Variants in ROBO2 observed in about 807,000 individuals in gnomAD.
ROBO2 encodes the protein roundabout guidance receptor 2.
In ROBO2, 53 loss-of-function variants were observed where a neutral mutation model predicts 160.8. That is an observed-to-expected ratio of 0.33 (90% confidence interval 0.26 to 0.41). The LOEUF is 0.41. Among genes scored for constraint, ROBO2 ranks in the 10% least tolerant of loss-of-function variants. The pLI, the probability that ROBO2 is intolerant of heterozygous loss-of-function variation, is 1.00. For synonymous variants in ROBO2, 664 were observed against 611.7 expected, an observed-to-expected ratio of 1.09 and a Z score of -1.26; for missense variants, 1,577 against 1,722.4, an observed-to-expected ratio of 0.92 and a Z score of 1.49.
In ROBO2 at chr3:76,127,597, A is replaced by ATATATATAT. The variant is rs1553652480; in HGVS notation, c.109+189995_109+189996insTATATATAT. Among the ~76,000 whole-genome samples, 10 of 118,402 alleles carry ATATATATAT rather than the reference A, an allele frequency of 8.4e-5. No individual in the cohort carries two copies. In the East Asian group the frequency reaches 1.4e-3, roughly 16 times the overall value. 77.7% of individuals were successfully genotyped at this position (118,402 alleles called of 152,430 possible). A position where few individuals can be genotyped will look rare whatever the true frequency, so the allele number is the denominator to read the frequency against. ...GTGCTTTCTCTATATGGTTTGAAAA[A>ATATATATAT]ATATATATATATATATACATATACT... On this transcript the variant is annotated intron_variant, in intron 2 of 26. Coordinates refer to the ROBO2 transcript ENST00000487694.
intron 2 of ROBO2, among the ~76,000 whole-genome samples, chr3:76,463,826 G>A (rs1408196697): frequency 6.6e-6 from 1 of 152,104 alleles, no homozygotes; most frequent in Non-Finnish European, 1.5e-5. Flanking sequence ...TTGCAATTTC[G>A]AGCTCAACAG....
chr3:76,792,782 T>A (rs2063451211), intron 2 of ROBO2, among the ~76,000 whole-genome samples: 1 of 151,646 alleles, frequency 6.6e-6, no homozygotes, highest in Non-Finnish European at 1.5e-5. Flanking sequence ...CAACCCAAAC[T>A]TTTTTTCTAA....
intron 22 of ROBO2, among the ~76,000 whole-genome samples, chr3:77,619,584 C>T (rs1235206590): frequency 1.3e-5 from 2 of 152,156 alleles, no homozygotes; most frequent in Admixed American, 1.3e-4. Context: ...ATGGGCACAC[C>T]TTCCTTGAGG....
chr3:75,961,808 A>G (rs1276504711), intron 2 of ROBO2, among the ~76,000 whole-genome samples: 2 of 151,830 alleles, frequency 1.3e-5, no homozygotes, highest in African/African-American at 2.4e-5. Context: ...AAGAGAATCA[A>G]ACTATATTAT....
In ROBO2 at chr3:76,513,459, C is replaced by T. The variant is rs374238992; in HGVS notation, c.109+575857C>T. ...CCTCCACCTCCTTCCTGGGTTCAAG[C>T]GATTCTCCTGCCTCAGCCCCCTGAG... is the stretch of plus-strand genomic sequence containing the variant. On this transcript the variant is annotated intron_variant, in intron 2 of 26. Coordinates refer to the ROBO2 transcript ENST00000487694. Among the ~76,000 whole-genome samples, 981 of 152,246 alleles carry T rather than the reference C, an allele frequency of 6.4e-3. 14 individuals carry two copies. Among genetic ancestry groups the T allele is most frequent in the African/African-American group, 0.022 (931 of 41,562 alleles).
chr3:75,948,663 C>A (rs1365618375), intron 2 of ROBO2, among the ~76,000 whole-genome samples: 1 of 152,104 alleles, frequency 6.6e-6, no homozygotes, highest in African/African-American at 2.4e-5. Context: ...ACCTGTCAAT[C>A]ACTATCGCTA....
chr3:77,444,714 A>G (rs776663439), intron 2 of ROBO2, among the ~76,000 whole-genome samples: 17 of 152,220 alleles, frequency 1.1e-4, no homozygotes, highest in Non-Finnish European at 1.8e-4. Context: ...TATGTGGGAA[A>G]AAAGGCAGAA....
intron 2 of ROBO2, among the ~76,000 whole-genome samples, chr3:77,166,658 C>A (rs554199432): frequency 5.3e-5 from 8 of 152,062 alleles, no homozygotes; most frequent in Non-Finnish European, 1.0e-4. Context: ...TCCCGGGTTC[C>A]CGCCATTCTC....
intron 2 of ROBO2, among the ~76,000 whole-genome samples, chr3:76,525,380 G>GA: frequency 6.6e-6 from 1 of 151,628 alleles, no homozygotes; most frequent in Admixed American, 6.6e-5. Flanking sequence ...TTAAAATAAG[G>GA]AAAAATCCCA....
intron 2 of ROBO2, among the ~76,000 whole-genome samples, chr3:77,433,593 A>G (rs2079012462): frequency 6.7e-6 from 1 of 149,548 alleles, no homozygotes; most frequent in Non-Finnish European, 1.5e-5. Context: ...CTCTTATTCT[A>G]TATTTTCTCC....
intron 2 of ROBO2, among the ~76,000 whole-genome samples, chr3:77,372,529 A>G (rs1336203345): frequency 6.6e-6 from 1 of 152,194 alleles, no homozygotes; most frequent in Non-Finnish European, 1.5e-5. Context: ...ACCGTGCATA[A>G]AACATAACCA....
intron 1 of ROBO2, among the ~76,000 whole-genome samples, chr3:75,910,012 T>C (rs374052828): frequency 6.6e-6 from 1 of 152,302 alleles, no homozygotes; most frequent in East Asian, 1.9e-4. Context: ...ATCATTTTTG[T>C]TGGAGAACTG....
At chr3:77,283,750 A>T (rs1018710753) in intron 2 of ROBO2, among the ~76,000 whole-genome samples, 16 of 152,242 alleles carry the variant, frequency 1.1e-4, no homozygotes, top group Non-Finnish European at 2.2e-4. Flanking sequence ...TGAGATTTTT[A>T]AAAAAGTTTA....
At chr3:75,954,010 A>G (rs940074412) in intron 2 of ROBO2, among the ~76,000 whole-genome samples, 4 of 151,704 alleles carry the variant, frequency 2.6e-5, no homozygotes, top group Non-Finnish European at 5.9e-5. Flanking sequence ...GGTCATTCCA[A>G]TTGTCTCTAT....
intron 2 of ROBO2, among the ~76,000 whole-genome samples, chr3:76,609,565 T>C (rs552189238): frequency 6.6e-6 from 1 of 152,324 alleles, no homozygotes; most frequent in East Asian, 1.9e-4. Flanking sequence ...TTTAAGTTCA[T>C]TTTGTATCCT....
At chr3:76,891,433 G>A (rs1314368575) in intron 2 of ROBO2, among the ~76,000 whole-genome samples, 2 of 151,906 alleles carry the variant, frequency 1.3e-5, no homozygotes, top group African/African-American at 2.4e-5. Context: ...GGAGATTTAC[G>A]ACTACTTTTC....
At chr3:76,070,971 T>C (rs546430352) in intron 2 of ROBO2, among the ~76,000 whole-genome samples, 1 of 152,324 alleles carries the variant, frequency 6.6e-6, no homozygotes, top group East Asian at 1.9e-4. Context: ...GTTTTTAATA[T>C]ACTGTCTAAC....
At chr3:76,734,921 T>C (rs2093685766) in intron 2 of ROBO2, among the ~76,000 whole-genome samples, 1 of 152,224 alleles carries the variant, frequency 6.6e-6, no homozygotes, top group Non-Finnish European at 1.5e-5. Flanking sequence ...CAGCCAAAGC[T>C]ATTTGACATA....
intron 2 of ROBO2, among the ~76,000 whole-genome samples, chr3:76,751,783 C>T (rs79791233): frequency 0.64 from 96,541 of 149,828 alleles, 31,121 homozygotes; most frequent in African/African-American, 0.71. Flanking sequence ...ATTAAAAAGT[C>T]AGGAAACAAC....
Sources: allele counts gnomAD v4.1 joint callset (sites outside exome capture counted in the v4.1 genomes callset), GRCh38; gene constraint gnomAD v4.1.1; transcripts MANE v1.5; gene names NCBI Gene and HGNC (gene_info 2026-07-23, HGNC 2026-07-21).